MYH16: variants seen among roughly 807,000 people sequenced by gnomAD.
MYH16 encodes the protein putative uncharacterized protein MYH16.
chr7:99,294,642 T>C (rs1273494482), intron 33 of MYH16, among the ~76,000 whole-genome samples: 1 of 151,478 alleles, frequency 6.6e-6, no homozygotes, highest in Non-Finnish European at 1.5e-5. Flanking sequence ...CTCAGCTCAC[T>C]GCAACCTCCA....
At chr7:99,282,166 G>A (rs539925575) in intron 23 of MYH16, among the ~76,000 whole-genome samples, 1 of 150,290 alleles carries the variant, frequency 6.7e-6, no homozygotes, top group Non-Finnish European at 1.5e-5. Context: ...GGGATTACAG[G>A]TGCCTGCCAC....
chr7:99,243,667 C>T (rs939935468), intron 2 of MYH16, among the ~76,000 whole-genome samples: 4 of 152,162 alleles, frequency 2.6e-5, no homozygotes, highest in Non-Finnish European at 1.5e-5. Context: ...GAAAATCTTC[C>T]TCCTCATGTT....
intron 37 of MYH16, among the ~76,000 whole-genome samples, chr7:99,299,975 ATTTG>A (rs1376765812): frequency 7.3e-6 from 1 of 137,578 alleles, no homozygotes; most frequent in Non-Finnish European, 1.6e-5. Flanking sequence ...TTATTTATTT[ATTTG>A]ATGGAGTTTT....
chr7:99,288,160 G>A (rs957258490), intron 29 of MYH16, 23 bp downstream of exon 10: 8 of 454,842 alleles, frequency 1.8e-5, no homozygotes, highest in African/African-American at 1.0e-4. Flanking sequence ...ACTGTGGGCC[G>A]GACGCAGTGG....
chr7:99,296,642 G>A (rs929415932), intron 33 of MYH16, 59 bp from the exon 15 acceptor site: 9 of 446,856 alleles, frequency 2.0e-5, no homozygotes, highest in African/African-American at 4.0e-5. Context: ...GGGGGGGTGG[G>A]AGTAGGGGAC....
At chr7:99,302,053 C>T (rs187735265) in intron 38 of MYH16, among the ~76,000 whole-genome samples, 15 of 152,014 alleles carry the variant, frequency 9.9e-5, no homozygotes, top group Admixed American at 9.2e-4. Context: ...CCTATAATCC[C>T]AGCACTTTGG....
At chr7:99,272,696 A>C (rs191391197) in intron 19 of MYH16, among the ~76,000 whole-genome samples, 143 bp from the exon 1 acceptor site, 1 of 152,052 alleles carries the variant, frequency 6.6e-6, no homozygotes, top group Non-Finnish European at 1.5e-5. Context: ...CCAGTGAGCC[A>C]TAATTGCACC....
At chr7:99,257,217 T>C (rs1324229791) in intron 9 of MYH16, 1 of 152,694 alleles carries the variant, frequency 6.5e-6, no homozygotes, top group East Asian at 1.9e-4. Context: ...CCCTTCGGCA[T>C]GGCCCCAGTG....
chr7:99,277,611 A>G (rs1792133262), exon 21 of MYH16: 1 of 457,032 alleles, frequency 2.2e-6, no homozygotes, highest in African/African-American at 2.0e-5. Flanking sequence ...CAGGAAAGCC[A>G]TGGCCCAAAC....
intron 20 of MYH16, among the ~76,000 whole-genome samples, chr7:99,275,824 C>T (rs1052829850): frequency 5.9e-5 from 9 of 152,212 alleles, no homozygotes; most frequent in Admixed American, 2.0e-4. Flanking sequence ...CTCCGCCTCC[C>T]GGATTCAAGC....
At chr7:99,291,082 T>A in intron 30 of MYH16, 1 of 224,928 alleles carries the variant, frequency 4.4e-6, no homozygotes, top group South Asian at 5.5e-5. Flanking sequence ...GGTTTCATTA[T>A]GTGAGGCCCC....
chr7:99,251,491 A>T (rs1178384750), intron 6 of MYH16, among the ~76,000 whole-genome samples: 1 of 152,242 alleles, frequency 6.6e-6, no homozygotes, highest in East Asian at 1.9e-4. Flanking sequence ...GTCATTTTGT[A>T]TCAAAAGATC....
intron 13 of MYH16, among the ~76,000 whole-genome samples, chr7:99,262,684 C>T (rs969243731): frequency 2.0e-5 from 3 of 152,200 alleles, no homozygotes; most frequent in African/African-American, 7.2e-5. Flanking sequence ...TTCCTCCTTA[C>T]CCTTGCCATG....
At chr7:99,273,352 A>G in exon 20 of MYH16, 1 of 456,768 alleles carries the variant, frequency 2.2e-6, no homozygotes, top group Non-Finnish European at 4.4e-6. Context: ...AATGGGCCTG[A>G]AAGTCATTCA....
At chr7:99,297,532 G>A (rs1792518863) in intron 34 of MYH16, 128 bp from the exon 16 acceptor site, 1 of 361,966 alleles carries the variant, frequency 2.8e-6, no homozygotes, top group Non-Finnish European at 5.4e-6. Flanking sequence ...ATGGTCAGGT[G>A]TGGTGGCTCA....
At chr7:99,282,341 TCTGTA>T (rs992911208) in intron 23 of MYH16, among the ~76,000 whole-genome samples, 1 of 152,152 alleles carries the variant, frequency 6.6e-6, no homozygotes, top group African/African-American at 2.4e-5. Flanking sequence ...GTGGTTATGT[TCTGTA>T]AAGTTGCCAT....
intron 30 of MYH16, chr7:99,291,072 G>A (rs767379237): frequency 4.6e-6 from 1 of 215,366 alleles, no homozygotes; most frequent in Non-Finnish European, 9.5e-6. Flanking sequence ...AGGAGATAGG[G>A]GTTTCATTAT....
chr7:99,257,026 T>C (rs1367648927), intron 9 of MYH16, among the ~76,000 whole-genome samples: 1 of 152,228 alleles, frequency 6.6e-6, no homozygotes, highest in African/African-American at 2.4e-5. Flanking sequence ...GGACTAAACA[T>C]TGTCACATCA....
intron 21 of MYH16, among the ~76,000 whole-genome samples, 179 bp downstream of exon 3, chr7:99,277,891 G>T (rs570685270): frequency 2.2e-5 from 3 of 135,080 alleles, no homozygotes; most frequent in East Asian, 2.0e-4. Flanking sequence ...GTGTGTGTGT[G>T]TGTGTGTGTG....
Sources: allele counts gnomAD v4.1 joint callset (sites outside exome capture counted in the v4.1 genomes callset), GRCh38; gene constraint gnomAD v4.1.1; transcripts MANE v1.5; gene names NCBI Gene and HGNC (gene_info 2026-07-23, HGNC 2026-07-21).